Variants in CACNA1D observed in about 807,000 individuals in gnomAD.
The protein encoded by CACNA1D is voltage-dependent L-type calcium channel subunit alpha-1D.
Under a neutral mutation model 257.1 loss-of-function variants are expected in CACNA1D, and 55 were observed. The ratio of observed to expected loss-of-function variants is 0.21; its 90% CI spans 0.17 to 0.27. CACNA1D has a LOEUF of 0.27. CACNA1D is among the 10% of genes least tolerant of loss of function. CACNA1D has a pLI of 1.00. For synonymous variants in CACNA1D, 980 were observed against 1,014.9 expected, an observed-to-expected ratio of 0.97 and a Z score of 0.65; for missense variants, 1,876 against 2,784.0, an observed-to-expected ratio of 0.67 and a Z score of 7.34.
chr3:53,533,767 A>G (rs140191880), intron 3 of CACNA1D, among the ~76,000 whole-genome samples: 3 of 152,288 alleles, frequency 2.0e-5, no homozygotes, highest in Non-Finnish European at 4.4e-5. Flanking sequence ...GGGCATAGTT[A>G]CTAGGTGTCA....
At chr3:53,547,397 T>G (rs994061854) in intron 3 of CACNA1D, among the ~76,000 whole-genome samples, 15 of 152,178 alleles carry the variant, frequency 9.9e-5, no homozygotes, top group African/African-American at 3.6e-4. Flanking sequence ...TAAAAAAATA[T>G]TATGGCGTCA....
intron 4 of CACNA1D, among the ~76,000 whole-genome samples, chr3:53,655,509 T>C (rs1306433175): frequency 6.6e-6 from 1 of 152,232 alleles, no homozygotes; most frequent in Admixed American, 6.5e-5. Context: ...GAGTAGCCAT[T>C]TTAACTGGTG....
At chr3:53,739,398 G>A (rs1362091023) in intron 20 of CACNA1D, among the ~76,000 whole-genome samples, 2 of 152,196 alleles carry the variant, frequency 1.3e-5, no homozygotes, top group African/African-American at 4.8e-5. Context: ...GGGTGCTACG[G>A]TCAGAAGCTC....
intron 44 of CACNA1D, among the ~76,000 whole-genome samples, chr3:53,804,142 G>T (rs1474956361): frequency 1.3e-5 from 2 of 152,206 alleles, no homozygotes; most frequent in East Asian, 3.8e-4. Context: ...AGGCGGCACA[G>T]GCGGATGAAA....
At chr3:53,697,131 A>G (rs2094580005) in intron 8 of CACNA1D, among the ~76,000 whole-genome samples, 3 of 152,194 alleles carry the variant, frequency 2.0e-5, no homozygotes, top group Admixed American at 2.0e-4. Flanking sequence ...GAATATCTTA[A>G]TGACCTAGAG....
chr3:53,776,164 C>A, intron 35 of CACNA1D, 119 bp downstream of exon 35: 1 of 919,538 alleles, frequency 1.1e-6, no homozygotes, highest in Non-Finnish European at 1.8e-6. Flanking sequence ...GATGAGCACT[C>A]TGGACTCCAC....
intron 26 of CACNA1D, 93 bp downstream of exon 26, chr3:53,747,541 A>C: frequency 7.5e-7 from 1 of 1,335,010 alleles, no homozygotes; most frequent in Non-Finnish European, 1.1e-6. Flanking sequence ...TCTGTTCTCC[A>C]GTGTCGCAGG....
At chr3:53,499,199 C>A (rs1018175107) in intron 2 of CACNA1D, among the ~76,000 whole-genome samples, 1 of 152,192 alleles carries the variant, frequency 6.6e-6, no homozygotes, top group African/African-American at 2.4e-5. Context: ...TCTCCCTTTT[C>A]CAGTTGCCAG....
At chr3:53,638,890 G>A (rs1303455017) in intron 3 of CACNA1D, among the ~76,000 whole-genome samples, 1 of 152,306 alleles carries the variant, frequency 6.6e-6, no homozygotes, top group South Asian at 2.1e-4. Flanking sequence ...TGGATAACTT[G>A]ACTAACTTTC....
chr3:53,556,014 C>CAACA (rs1165826010), intron 3 of CACNA1D, among the ~76,000 whole-genome samples: 12 of 152,184 alleles, frequency 7.9e-5, no homozygotes, highest in Non-Finnish European at 1.8e-4. Context: ...AACCACTGAT[C>CAACA]TGTTCTCTAT....
intron 3 of CACNA1D, among the ~76,000 whole-genome samples, chr3:53,606,707 T>C (rs1194735160): frequency 2.0e-5 from 3 of 152,212 alleles, no homozygotes; most frequent in African/African-American, 7.2e-5. Context: ...CCTTTAAGTA[T>C]ATATTTTACA....
chr3:53,792,246 C>G (rs955652332), intron 40 of CACNA1D: 2 of 152,116 alleles, frequency 1.3e-5, no homozygotes, highest in African/African-American at 4.8e-5. Context: ...TTAAGAATAG[C>G]AGATTTTTGC....
chr3:53,655,534 G>A (rs572568913), intron 4 of CACNA1D, among the ~76,000 whole-genome samples: 8 of 152,232 alleles, frequency 5.3e-5, no homozygotes, highest in African/African-American at 1.7e-4. Flanking sequence ...ATGGTATCTC[G>A]TGGTTTTGAT....
At chr3:53,536,354 C>CTT (rs140028759) in intron 3 of CACNA1D, among the ~76,000 whole-genome samples, 4 of 148,950 alleles carry the variant, frequency 2.7e-5, no homozygotes, top group African/African-American at 9.8e-5. Context: ...TGACCATTTA[C>CTT]TTTTTTTTTT....
At chr3:53,653,486 C>A (rs902153212) in intron 4 of CACNA1D, among the ~76,000 whole-genome samples, 3 of 151,846 alleles carry the variant, frequency 2.0e-5, no homozygotes, top group Non-Finnish European at 2.9e-5. Context: ...TAAAGGGATA[C>A]CTGATTATAG....
intron 3 of CACNA1D, among the ~76,000 whole-genome samples, chr3:53,573,312 A>G (rs1167081260): frequency 6.6e-6 from 1 of 152,058 alleles, no homozygotes; most frequent in Non-Finnish European, 1.5e-5. Flanking sequence ...CTGGCTTCCT[A>G]TTACTGTACC....
intron 8 of CACNA1D, among the ~76,000 whole-genome samples, chr3:53,698,778 C>T (rs897540434): frequency 1.3e-5 from 2 of 149,058 alleles, no homozygotes; most frequent in Non-Finnish European, 3.0e-5. Context: ...CCCAGTTTTT[C>T]GTGTGTAAAG....
chr3:53,808,670 A>G lies in CACNA1D; in HGVS notation c.5771A>G (p.Asn1924Ser). ...TPASHRRSSF[N>S]FECLRRQSSQ... ...CCAGCCCACCGGAGATCCTCCTTCA[A>G]CTTTGAGTGCCTGCGCCGGCAGAGC... Residue 1924 changes from asparagine to serine, a missense_variant, in exon 46 of 48, where the codon AAC becomes AGC. Around this residue, in one of 10 missense-constraint regions of CACNA1D, gnomAD observed 491 missense variants for 554.3 expected, o/e 0.89. Transcript: ENST00000350061. The G allele has an allele frequency of 1.2e-6, 2 of 1,609,036 alleles. No homozygotes were observed. Among genetic ancestry groups the G allele is most frequent in the South Asian group, 2.2e-5 (2 of 91,074 alleles).
chr3:53,786,692 C>T (rs375612793), intron 39 of CACNA1D, 130 bp from the exon 40 acceptor site: 10 of 794,170 alleles, frequency 1.3e-5, no homozygotes, highest in South Asian at 2.9e-5. Flanking sequence ...GCTGAGACCT[C>T]GGTGCCTTCT....
Sources: gnomAD v4.1 joint callset for allele counts (sites outside exome capture counted in the v4.1 genomes callset) on GRCh38, gnomAD v4.1.1 for gene constraint, gnomAD v4.1.1 regional missense constraint, MANE v1.5 for transcripts, NCBI Gene and HGNC (gene_info 2026-07-23, HGNC 2026-07-21) for gene names.